ANK2: variants seen among roughly 807,000 people sequenced by gnomAD.
The protein encoded by ANK2 is ankyrin 2.
In ANK2, 83 loss-of-function variants were observed where a neutral mutation model predicts 360.5. The observed-to-expected ratio is 0.23, with a 90% CI of 0.19 to 0.28. ANK2 has a LOEUF of 0.28. Ranked by LOEUF, ANK2 falls within the 10% of genes least tolerant of loss-of-function variation. ANK2 has a pLI of 1.00. For missense variants in ANK2, 4,201 were observed against 4,795.7 expected (o/e 0.88, Z 3.66); for synonymous variants, 1,740 against 1,759.5 (o/e 0.99, Z 0.28).
intron 14 of ANK2, among the ~76,000 whole-genome samples, chr4:113,269,099 C>T (rs1010806000): frequency 6.6e-6 from 1 of 152,060 alleles, no homozygotes; most frequent in Non-Finnish European, 1.5e-5. Context: ...ATACTCAAGC[C>T]TCTGTAATGG....
intron 1 of ANK2, among the ~76,000 whole-genome samples, chr4:113,114,442 A>C (rs1334619648): frequency 6.6e-6 from 1 of 152,184 alleles, no homozygotes; most frequent in African/African-American, 2.4e-5. Flanking sequence ...TCTAACATCT[A>C]ACAAACTATC....
intron 1 of ANK2, among the ~76,000 whole-genome samples, chr4:113,062,816 G>T (rs1211975890): frequency 2.6e-5 from 4 of 152,034 alleles, no homozygotes; most frequent in Admixed American, 2.6e-4. Flanking sequence ...AACATTTATT[G>T]ACTATTTGTC....
chr4:112,958,257 G>A (rs2032112286), intron 2 of ANK2, among the ~76,000 whole-genome samples: 1 of 152,234 alleles, frequency 6.6e-6, no homozygotes, highest in African/African-American at 2.4e-5. Context: ...GGGAGGTGGA[G>A]GTTGTAGCGA....
In ANK2 at chr4:113,336,292, TA is replaced by T. The variant is rs11355670; in HGVS notation, c.3591+249del. The stretch of plus-strand genomic sequence containing the variant: ...TCCAGCTACAAATGTTTTCTTCTTG[TA>T]AAAAAAAAAAAAAGAAATTAGCTTT... On this transcript the variant is annotated intron_variant, in intron 30 of 45. Coordinates refer to ENST00000357077, the MANE Select transcript of ANK2 (RefSeq NM_001148.6). The T allele has an allele frequency of 0.34, 164,615 of 483,368 alleles. 5,412 individuals are homozygous for T. The highest frequency in any genetic ancestry group is 0.48 in the African/African-American group (23,392 of 49,198). The allele number at this position is 483,368 out of a possible 1,614,324, so 29.9% of individuals were successfully genotyped here. A position where few individuals can be genotyped will look rare whatever the true frequency, so the allele number is the denominator to read the frequency against.
Position 113,175,221 on chromosome 4 carries a change from AT to A in ANK2, c.186+708del, listed in dbSNP as rs576398902. Reference sequence around the variant, plus strand: ...ACTAGGAAGTGAATAATTCTGGCTAATTTTAAGTTAAAAGGAGGTAAATGTC... The same window carrying A: ...ACTAGGAAGTGAATAATTCTGGCTAATTTAAGTTAAAAGGAGGTAAATGTC... On this transcript the variant is annotated intron_variant, in intron 2 of 45. Coordinates refer to ENST00000357077, the MANE Select transcript of ANK2 (RefSeq NM_001148.6). 2.6e-5 allele frequency among the ~76,000 whole-genome samples: 4 copies of A among 152,342 alleles called. No individual in the cohort carries two copies. The East Asian group carries it at 7.7e-4, about 29-fold the overall frequency.
chr4:113,170,723 C>T (rs1268482314), intron 1 of ANK2, among the ~76,000 whole-genome samples: 2 of 152,166 alleles, frequency 1.3e-5, no homozygotes, highest in Non-Finnish European at 2.9e-5. Flanking sequence ...CATGTCCACA[C>T]TGCTGGGTGC....
chr4:113,135,486 C>A (rs1201221749), intron 1 of ANK2, among the ~76,000 whole-genome samples: 1 of 150,642 alleles, frequency 6.6e-6, no homozygotes, highest in African/African-American at 2.5e-5. Flanking sequence ...ACCGTAGAGG[C>A]AAATGATGGC....
the ANK2 span, among the ~76,000 whole-genome samples, chr4:112,729,289 G>GA: frequency 1.1e-3 from 163 of 149,142 alleles, no homozygotes; most frequent in African/African-American, 3.3e-3. Flanking sequence ...GAAGTTTTCT[G>GA]AAAAAAAAAT....
chr4:113,107,291 A>G (rs2093746643), intron 1 of ANK2, among the ~76,000 whole-genome samples: 1 of 152,070 alleles, frequency 6.6e-6, no homozygotes, highest in South Asian at 2.1e-4. Flanking sequence ...ATAACGGCTC[A>G]CTGCAACCTC....
At chr4:112,816,733 G>C (rs1047900188), upstream of ANK2, among the ~76,000 whole-genome samples, 6 of 152,156 alleles carry the variant, frequency 3.9e-5, no homozygotes, top group Non-Finnish European at 7.3e-5. Context: ...TGTCTTGGCC[G>C]GGCACAGTGG....
intron 1 of ANK2, among the ~76,000 whole-genome samples, chr4:113,119,297 T>C (rs1429861273): frequency 6.6e-6 from 1 of 152,122 alleles, no homozygotes; most frequent in Non-Finnish European, 1.5e-5. Context: ...ACTGCAGATA[T>C]TTACACAGCA....
At chr4:113,292,620 A>C (rs29340) in intron 21 of ANK2, 106 bp downstream of exon 21, 1 of 1,216,064 alleles carries the variant, frequency 8.2e-7, no homozygotes. Context: ...CTCTTTAAAT[A>C]AGCCCCCTGG....
chr4:112,968,434 G>T (rs972699130), intron 2 of ANK2, among the ~76,000 whole-genome samples: 2 of 152,142 alleles, frequency 1.3e-5, no homozygotes, highest in Non-Finnish European at 2.9e-5. Flanking sequence ...GCCAGTCTTT[G>T]GTTGAAGAAT....
intron 1 of ANK2, among the ~76,000 whole-genome samples, chr4:113,074,417 G>A (rs1448264041): frequency 1.3e-5 from 2 of 152,106 alleles, no homozygotes; most frequent in African/African-American, 4.8e-5. Flanking sequence ...TGTGGCCTCA[G>A]TATTTTTTCA....
chr4:112,790,805 G>T, the ANK2 span, among the ~76,000 whole-genome samples: 3 of 152,084 alleles, frequency 2.0e-5, no homozygotes, highest in Non-Finnish European at 4.4e-5. Context: ...CCTTTCTTAA[G>T]GGGCTTCAAA....
intron 41 of ANK2, 131 bp downstream of exon 41, chr4:113,365,313 T>G (rs1199025894): frequency 1.0e-6 from 1 of 974,836 alleles, no homozygotes; most frequent in Non-Finnish European, 1.6e-6. Flanking sequence ...CCTATGGTGA[T>G]CATATGTTCT....
At chr4:113,007,624 C>A (rs532477278) in intron 2 of ANK2, among the ~76,000 whole-genome samples, 3 of 151,964 alleles carry the variant, frequency 2.0e-5, no homozygotes, top group African/African-American at 7.2e-5. Context: ...TTTAAGACTT[C>A]GATTGCTAAA....
At chr4:113,175,442 G>T (rs552287648) in intron 2 of ANK2, among the ~76,000 whole-genome samples, 1 of 152,024 alleles carries the variant, frequency 6.6e-6, no homozygotes, top group Non-Finnish European at 1.5e-5. Flanking sequence ...TCACCAATGT[G>T]CCATTCCAAC....
the ANK2 span, among the ~76,000 whole-genome samples, chr4:112,763,699 T>G: frequency 2.0e-5 from 3 of 151,320 alleles, no homozygotes; most frequent in Non-Finnish European, 2.9e-5. Context: ...GCCCGACTAA[T>G]TTTTTTGTAT....
Sources: allele counts gnomAD v4.1 joint callset (sites outside exome capture counted in the v4.1 genomes callset), GRCh38; gene constraint gnomAD v4.1.1; transcripts MANE v1.5; gene names NCBI Gene and HGNC (gene_info 2026-07-23, HGNC 2026-07-21).